The following ADAMTS19 variants were observed in gnomAD, a reference collection of about 807,000 sequenced individuals.
ADAMTS19 encodes ADAM metallopeptidase with thrombospondin type 1 motif 19.
A neutral mutation model predicts 153.3 loss-of-function variants in ADAMTS19; 93 were observed. The observed-to-expected ratio is 0.61, with a 90% CI of 0.51 to 0.72. ADAMTS19 has a LOEUF of 0.72. ADAMTS19 is among the 30% of genes least tolerant of loss of function. The pLI is 0.00. For synonymous variants in ADAMTS19, 600 were observed against 556.6 expected (o/e 1.08, Z -1.10); for missense variants, 1,482 against 1,552.1 (o/e 0.95, Z 0.76).
intron 6 of ADAMTS19, among the ~76,000 whole-genome samples, chr5:129,547,372 C>CA (rs1270533090): frequency 6.6e-6 from 1 of 150,780 alleles, no homozygotes; most frequent in Admixed American, 6.6e-5. Flanking sequence ...AAGCCCATTT[C>CA]AAAATTCGGG....
At chr5:129,646,648 T>TA (rs1209868887) in intron 11 of ADAMTS19, among the ~76,000 whole-genome samples, 6 of 152,042 alleles carry the variant, frequency 3.9e-5, no homozygotes, top group Middle Eastern at 3.4e-3. Context: ...ATTCAATTCC[T>TA]AAAAAAAACT....
At chr5:129,536,793 C>T (rs1312748549) in intron 6 of ADAMTS19, among the ~76,000 whole-genome samples, 1 of 151,940 alleles carries the variant, frequency 6.6e-6, no homozygotes, top group African/African-American at 2.4e-5. Flanking sequence ...TCATCATTCT[C>T]AGTAAACTAT....
intron 3 of ADAMTS19, among the ~76,000 whole-genome samples, chr5:129,517,532 A>G (rs989338930): frequency 6.6e-6 from 1 of 151,984 alleles, no homozygotes; most frequent in African/African-American, 2.4e-5. Flanking sequence ...CTTTATCATT[A>G]TATAGTGACC....
chr5:129,551,839 T>C (rs772203417), intron 6 of ADAMTS19, 25 bp from the exon 7 acceptor site: 4 of 1,479,310 alleles, frequency 2.7e-6, no homozygotes, highest in Non-Finnish European at 3.7e-6. Context: ...TTATCTTTAT[T>C]TCAGTTTTCT....
At chr5:129,622,999 G>A (rs934329773) in intron 10 of ADAMTS19, among the ~76,000 whole-genome samples, 4 of 151,990 alleles carry the variant, frequency 2.6e-5, no homozygotes, top group Admixed American at 1.3e-4. Context: ...ATGGAAATGG[G>A]TAAAAATGCG....
chr5:129,672,794 G>A lies in ADAMTS19; in HGVS notation c.2507-6970G>A, dbSNP rs150097706. ...ATATGGTTACTAAGTTGGTTGGCATGTGCAAGTCCAAATCTACACACACAC... is the reference window on the plus strand; with the variant it reads ...ATATGGTTACTAAGTTGGTTGGCATATGCAAGTCCAAATCTACACACACAC... On this transcript the variant is annotated intron_variant, in intron 16 of 22. Transcript: ENST00000274487. 8.2e-3 allele frequency among the ~76,000 whole-genome samples: 1,182 copies of A among 143,578 alleles called. 15 individuals carry two copies. Among genetic ancestry groups the A allele is most frequent in the South Asian group, 0.016 (66 of 4,226 alleles). The allele number at this position is 143,578 out of a possible 152,430, so 94.2% of individuals were successfully genotyped here.
intron 7 of ADAMTS19, among the ~76,000 whole-genome samples, chr5:129,556,494 T>C (rs1157850131): frequency 6.6e-6 from 1 of 152,188 alleles, no homozygotes; most frequent in Non-Finnish European, 1.5e-5. Flanking sequence ...CTCAAGAGTG[T>C]ATTTGCCCTA....
intron 21 of ADAMTS19, among the ~76,000 whole-genome samples, chr5:129,731,955 A>G (rs1019448189): frequency 6.6e-6 from 1 of 152,254 alleles, no homozygotes; most frequent in African/African-American, 2.4e-5. Flanking sequence ...CAGAAACACA[A>G]GCACATTTCC....
intron 21 of ADAMTS19, among the ~76,000 whole-genome samples, chr5:129,706,165 C>A (rs986853976): frequency 6.6e-6 from 1 of 152,144 alleles, no homozygotes; most frequent in Non-Finnish European, 1.5e-5. Context: ...TTTCTTTTGG[C>A]TAGTGAAATT....
In ADAMTS19 at chr5:129,667,602, T is replaced by A. The variant is rs144199008; in HGVS notation, c.2506+2023T>A. Reference sequence around the variant, plus strand: ...AGTATGTGGTATGTACCCCCCACCCTCCTGCCCCTTGCTCCCTCTCTCCCC... The same window carrying A: ...AGTATGTGGTATGTACCCCCCACCCACCTGCCCCTTGCTCCCTCTCTCCCC... On this transcript the variant is annotated intron_variant, in intron 16 of 22. Coordinates refer to ENST00000274487, the MANE Select transcript of ADAMTS19 (RefSeq NM_133638.6). Among the ~76,000 whole-genome samples, 315 of 152,144 alleles carry A rather than the reference T, an allele frequency of 2.1e-3. 1 individual carries two copies. Among genetic ancestry groups the A allele is most frequent in the Non-Finnish European group, 3.6e-3 (245 of 67,990 alleles).
intron 18 of ADAMTS19, among the ~76,000 whole-genome samples, chr5:129,691,935 G>GTTAT (rs1159028941): frequency 1.3e-5 from 2 of 152,030 alleles, no homozygotes; most frequent in Non-Finnish European, 2.9e-5. Context: ...TCAGCCTTGG[G>GTTAT]TTATTTATTC....
rs1325972727 is a variant in ADAMTS19, at chr5:129,734,914, A to T, written c.3313-18A>T. On this transcript the variant is annotated intron_variant, in intron 21 of 22. Coordinates refer to ENST00000274487, the MANE Select transcript of ADAMTS19 (RefSeq NM_133638.6). ...TAAAAATAAAAAAGAACCTAAACAA[A>T]CCTTGTATTTCTCCTAGTGCTCAAT... 6.5e-7 allele frequency: 1 copy of T among 1,535,148 alleles called. No individual in the cohort carries two copies. The highest frequency in any genetic ancestry group is 2.4e-5 in the East Asian group (1 of 42,550).
intron 7 of ADAMTS19, among the ~76,000 whole-genome samples, chr5:129,567,823 C>T (rs1196173474): frequency 6.6e-6 from 1 of 151,922 alleles, no homozygotes; most frequent in Non-Finnish European, 1.5e-5. Flanking sequence ...AGAATCTGAG[C>T]AACTCCACAC....
intron 10 of ADAMTS19, among the ~76,000 whole-genome samples, chr5:129,625,616 T>C (rs1751999415): frequency 6.6e-6 from 1 of 152,250 alleles, no homozygotes; most frequent in Admixed American, 6.5e-5. Context: ...TTTTTTCATG[T>C]GTCTGCTGTC....
intron 10 of ADAMTS19, among the ~76,000 whole-genome samples, chr5:129,630,161 T>A (rs1210787728): frequency 6.6e-6 from 1 of 152,096 alleles, no homozygotes; most frequent in Admixed American, 6.6e-5. Context: ...AACCTCTCCT[T>A]GAAGCCAATG....
intron 7 of ADAMTS19, among the ~76,000 whole-genome samples, chr5:129,581,691 T>C (rs1749523529): frequency 6.6e-6 from 1 of 152,192 alleles, no homozygotes; most frequent in South Asian, 2.1e-4. Flanking sequence ...TTAATTGTGA[T>C]GTTAGGGTGT....
At chr5:129,607,794 A>G (rs1750978216) in intron 8 of ADAMTS19, among the ~76,000 whole-genome samples, 1 of 151,940 alleles carries the variant, frequency 6.6e-6, no homozygotes, top group Non-Finnish European at 1.5e-5. Context: ...AAATCTAGCA[A>G]TTGTAGTAAT....
intron 6 of ADAMTS19, among the ~76,000 whole-genome samples, chr5:129,551,130 G>A (rs1753076529): frequency 6.6e-6 from 1 of 151,516 alleles, no homozygotes. Flanking sequence ...AGAGGAACAA[G>A]GTTAAATAAT....
chr5:129,465,935 A>G (rs939654285), intron 2 of ADAMTS19, among the ~76,000 whole-genome samples: 10 of 152,222 alleles, frequency 6.6e-5, no homozygotes, highest in South Asian at 2.1e-4. Context: ...TAAGGGAAAC[A>G]TATAGACTTT....
Sources: allele counts gnomAD v4.1 joint callset (sites outside exome capture counted in the v4.1 genomes callset), GRCh38; gene constraint gnomAD v4.1.1; transcripts MANE v1.5; gene names NCBI Gene and HGNC (gene_info 2026-07-23, HGNC 2026-07-21).